FAR2: variants seen among roughly 807,000 people sequenced by gnomAD.
The protein encoded by FAR2 is fatty acyl-CoA reductase 2.
FAR2 carries 19 observed loss-of-function variants against 56.0 expected under a neutral mutation model. The ratio of observed to expected loss-of-function variants is 0.34; its 90% CI spans 0.24 to 0.50. FAR2 has a LOEUF of 0.50. Among genes scored for constraint, FAR2 ranks in the 20% least tolerant of loss-of-function variants. The pLI, the probability that FAR2 is intolerant of heterozygous loss-of-function variation, is 0.98. For synonymous variants in FAR2, 219 were observed against 218.8 expected (o/e 1.00, Z -0.01); for missense variants, 508 against 642.2 (o/e 0.79, Z 2.26).
chr12:29,159,676 C>T (rs760861438), intron 1 of FAR2, among the ~76,000 whole-genome samples: 28 of 152,142 alleles, frequency 1.8e-4, no homozygotes, highest in Admixed American at 1.6e-3. Context: ...TCTCTCCTCT[C>T]GTTTACTCAC....
At chr12:29,206,107 TTGTC>T (rs1221413540) in intron 1 of FAR2, among the ~76,000 whole-genome samples, 1 of 152,222 alleles carries the variant, frequency 6.6e-6, no homozygotes, top group African/African-American at 2.4e-5. Flanking sequence ...TACCACTTAT[TTGTC>T]TGACTTGTTT....
At chr12:29,287,425 T>A (rs2136739067) in intron 2 of FAR2, among the ~76,000 whole-genome samples, 1 of 152,356 alleles carries the variant, frequency 6.6e-6, no homozygotes, top group Admixed American at 6.5e-5. Flanking sequence ...TTGGGTATAA[T>A]GGTTTTTGCT....
intron 4 of FAR2, among the ~76,000 whole-genome samples, chr12:29,297,578 A>C (rs1250794858): frequency 6.6e-6 from 1 of 152,198 alleles, no homozygotes; most frequent in African/African-American, 2.4e-5. Flanking sequence ...AGTTTGGCAT[A>C]GCTCCACCAG....
At chr12:29,171,292 G>A (rs1036110064) in intron 1 of FAR2, 12 of 152,586 alleles carry the variant, frequency 7.9e-5, no homozygotes, top group African/African-American at 2.4e-4. Flanking sequence ...TGTCCTCTGG[G>A]GCAGTGTGCT....
At chr12:29,267,011 T>G (rs1948527721) in intron 1 of FAR2, among the ~76,000 whole-genome samples, 1 of 152,194 alleles carries the variant, frequency 6.6e-6, no homozygotes, top group African/African-American at 2.4e-5. Flanking sequence ...AACTCAACTT[T>G]CCTTCTGTTT....
chr12:29,331,081 T>A (rs960973240), intron 10 of FAR2, among the ~76,000 whole-genome samples: 1 of 152,170 alleles, frequency 6.6e-6, no homozygotes, highest in Non-Finnish European at 1.5e-5. Flanking sequence ...TCTAGGAATA[T>A]CATTTATTTG....
At chr12:29,231,620 A>G (rs1947859275) in intron 1 of FAR2, among the ~76,000 whole-genome samples, 1 of 152,226 alleles carries the variant, frequency 6.6e-6, no homozygotes, top group South Asian at 2.1e-4. Context: ...GCAAGAGGGA[A>G]AGGATAGTTA....
chr12:29,309,925 A>C (rs1258779507), intron 6 of FAR2: 1 of 152,246 alleles, frequency 6.6e-6, no homozygotes, highest in Non-Finnish European at 1.5e-5. Flanking sequence ...ATAGGAAATC[A>C]GTGATCTAAA....
chr12:29,316,834 T>C lies in FAR2; in HGVS notation c.956-7T>C. The C allele has an allele frequency of 6.2e-7, 1 of 1,613,740 alleles. No individual in the cohort carries two copies. ...CTCCTCTAGCACTTACTTTCTTTTT[T>C]CCCCAGGAGTCCAAGTCTTGGCAAC... On this transcript the variant is annotated splice_region_variant and splice_polypyrimidine_tract_variant and intron_variant, in intron 8 of 11. Transcript: ENST00000536681.
intron 1 of FAR2, among the ~76,000 whole-genome samples, chr12:29,182,771 G>A (rs1379915837): frequency 6.6e-6 from 1 of 152,104 alleles, no homozygotes; most frequent in Non-Finnish European, 1.5e-5. Context: ...GGATGTAGAT[G>A]GAGGGTTTTA....
chr12:29,215,270 T>C (rs1947609227), intron 1 of FAR2, among the ~76,000 whole-genome samples: 2 of 152,150 alleles, frequency 1.3e-5, no homozygotes, highest in Non-Finnish European at 1.5e-5. Flanking sequence ...CTTTATTAAA[T>C]TTAAAAAACA....
intron 1 of FAR2, among the ~76,000 whole-genome samples, chr12:29,155,800 T>C (rs1031860756): frequency 7.2e-5 from 11 of 152,232 alleles, no homozygotes; most frequent in Non-Finnish European, 1.0e-4. Context: ...ATATTTACCT[T>C]GTGGTCCTTT....
At chr12:29,233,369 G>A (rs920173419) in intron 1 of FAR2, among the ~76,000 whole-genome samples, 2 of 152,086 alleles carry the variant, frequency 1.3e-5, no homozygotes, top group Admixed American at 1.3e-4. Flanking sequence ...TCTTTTCACA[G>A]TCCTCACTCC....
At chr12:29,294,173 A>G (rs1207611367) in intron 3 of FAR2, among the ~76,000 whole-genome samples, 3 of 152,186 alleles carry the variant, frequency 2.0e-5, no homozygotes, top group Admixed American at 2.0e-4. Context: ...GATAATGGAA[A>G]TGGTAGCACA....
chr12:29,221,755 G>A (rs961691953), intron 1 of FAR2, among the ~76,000 whole-genome samples: 43 of 152,192 alleles, frequency 2.8e-4, no homozygotes, highest in African/African-American at 9.4e-4. Context: ...AAATGAGCTC[G>A]CTTTAGGGTC....
At chr12:29,296,518 T>C (rs1949073791) in intron 3 of FAR2, among the ~76,000 whole-genome samples, 1 of 152,190 alleles carries the variant, frequency 6.6e-6, no homozygotes, top group African/African-American at 2.4e-5. Context: ...TCACATACTG[T>C]TTATATAGCT....
At chr12:29,250,401 T>G (rs993489284) in intron 1 of FAR2, among the ~76,000 whole-genome samples, 3 of 152,184 alleles carry the variant, frequency 2.0e-5, no homozygotes, top group African/African-American at 4.8e-5. Context: ...AAGAGAAAAC[T>G]GAATCTCAGA....
At chr12:29,174,705 C>T (rs1412459277) in intron 1 of FAR2, among the ~76,000 whole-genome samples, 2 of 152,110 alleles carry the variant, frequency 1.3e-5, no homozygotes, top group Non-Finnish European at 2.9e-5. Context: ...CAGGCATGAG[C>T]CAACGCACCC....
chr12:29,156,111 G>C (rs1297807782), intron 1 of FAR2, among the ~76,000 whole-genome samples: 1 of 152,084 alleles, frequency 6.6e-6, no homozygotes, highest in African/African-American at 2.4e-5. Context: ...GTGGGGAGGT[G>C]GGGGGAAGTT....
Sources: gnomAD v4.1 joint callset for allele counts (sites outside exome capture counted in the v4.1 genomes callset) on GRCh38, gnomAD v4.1.1 for gene constraint, MANE v1.5 for transcripts, NCBI Gene and HGNC (gene_info 2026-07-23, HGNC 2026-07-21) for gene names.